Variants in ARHGAP8 observed in about 807,000 individuals in gnomAD.
ARHGAP8 encodes Rho GTPase activating protein 8, also known as rho GTPase-activating protein 8.
In ARHGAP8, 62 loss-of-function variants were observed where a neutral mutation model predicts 46.1. That is an observed-to-expected ratio of 1.34 (90% CI 1.10 to 1.66). The LOEUF is 1.66. Among genes scored for constraint, ARHGAP8 ranks in the 40% most tolerant of loss-of-function variants. The pLI is 0.00. For missense variants in ARHGAP8, 923 were observed against 568.4 expected, an observed-to-expected ratio of 1.62 and a Z score of -6.34; for synonymous variants, 375 against 243.1, an observed-to-expected ratio of 1.54 and a Z score of -5.05.
intron 7 of ARHGAP8, among the ~76,000 whole-genome samples, chr22:44,831,176 A>G (rs1930919421): frequency 6.6e-6 from 1 of 152,098 alleles, no homozygotes; most frequent in African/African-American, 2.4e-5. Context: ...GATGAAGTCC[A>G]ATTTATTTAT....
At chr22:44,827,141 AGAG>A (rs1240614682) in intron 7 of ARHGAP8, among the ~76,000 whole-genome samples, 9 of 151,996 alleles carry the variant, frequency 5.9e-5, no homozygotes, top group Non-Finnish European at 8.8e-5. Context: ...TCAGAGTCAG[AGAG>A]GAGATGTGGC....
intron 3 of ARHGAP8, among the ~76,000 whole-genome samples, chr22:44,805,108 G>A (rs1213818598): frequency 6.6e-6 from 1 of 152,172 alleles, no homozygotes; most frequent in Non-Finnish European, 1.5e-5. Context: ...GGAAGAGCTC[G>A]TCTCCTGGGG....
At chr22:44,841,669 G>T (rs1931660762) in intron 7 of ARHGAP8, among the ~76,000 whole-genome samples, 1 of 152,244 alleles carries the variant, frequency 6.6e-6, no homozygotes, top group Admixed American at 6.5e-5. Context: ...GCCAGCAGGG[G>T]CTCGGCCCAC....
At chr22:44,754,373 T>TGTGTGTGTGTGTGAGA in intron 1 of ARHGAP8, among the ~76,000 whole-genome samples, 1 of 147,480 alleles carries the variant, frequency 6.8e-6, no homozygotes, top group South Asian at 2.3e-4. Flanking sequence ...TGTGTGTGTG[T>TGTGTGTGTGTGTGAGA]GACGCAGTTT....
At chr22:44,849,273 G>A in intron 10 of ARHGAP8, 1 of 870,290 alleles carries the variant, frequency 1.1e-6, no homozygotes, top group South Asian at 1.8e-5. Flanking sequence ...GAGGAGGTGG[G>A]GTCGGTCAGG....
At chr22:44,771,820 G>T (rs1426628149) in intron 1 of ARHGAP8, among the ~76,000 whole-genome samples, 1 of 152,180 alleles carries the variant, frequency 6.6e-6, no homozygotes, top group Non-Finnish European at 1.5e-5. Context: ...CTCCCAAAGT[G>T]CTGGGATTAC....
chr22:44,815,855 T>C (rs1201411638), intron 5 of ARHGAP8, among the ~76,000 whole-genome samples: 1 of 150,666 alleles, frequency 6.6e-6, no homozygotes, highest in Non-Finnish European at 1.5e-5. Context: ...ATGACGGGGG[T>C]GGGGTGGGGA....
intron 2 of ARHGAP8, among the ~76,000 whole-genome samples, chr22:44,799,499 C>T (rs567018391): frequency 6.6e-6 from 1 of 152,172 alleles, no homozygotes; most frequent in Non-Finnish European, 1.5e-5. Context: ...GGAGGATGCC[C>T]TTGAAGAACT....
At chr22:44,832,898 G>T (rs530689437) in intron 7 of ARHGAP8, among the ~76,000 whole-genome samples, 1 of 152,130 alleles carries the variant, frequency 6.6e-6, no homozygotes, top group East Asian at 1.9e-4. Flanking sequence ...AGATTGAGGT[G>T]GGAGGATCAC....
intron 1 of ARHGAP8, among the ~76,000 whole-genome samples, chr22:44,757,805 ATTTTTTTT>A (rs132444): frequency 7.3e-6 from 1 of 137,012 alleles, no homozygotes. Context: ...TGCCTGGCTA[ATTTTTTTT>A]TTTTTTTTTT....
At chr22:44,764,479 G>A (rs116782659) in intron 1 of ARHGAP8, among the ~76,000 whole-genome samples, 176 of 152,328 alleles carry the variant, frequency 1.2e-3, no homozygotes, top group African/African-American at 3.9e-3. Flanking sequence ...CGCGTGCGAC[G>A]GTGGTTCTTC....
chr22:44,853,642 G>T (rs1268337155), intron 10 of ARHGAP8, among the ~76,000 whole-genome samples: 1 of 152,162 alleles, frequency 6.6e-6, no homozygotes, highest in African/African-American at 2.4e-5. Flanking sequence ...ACCTATGTCG[G>T]CTCTTTTTAA....
intron 11 of ARHGAP8, among the ~76,000 whole-genome samples, chr22:44,860,481 C>CG (rs1569188117): frequency 3.3e-5 from 5 of 152,060 alleles, no homozygotes; most frequent in African/African-American, 1.2e-4. Context: ...TAAGTGTGGA[C>CG]CCCCTGCCAT....
chr22:44,836,272 C>A (rs976344465), intron 7 of ARHGAP8, among the ~76,000 whole-genome samples: 6 of 151,410 alleles, frequency 4.0e-5, no homozygotes, highest in Admixed American at 1.3e-4. Context: ...CACTATGTTG[C>A]TCAGGTTGGT....
intron 10 of ARHGAP8, among the ~76,000 whole-genome samples, chr22:44,852,296 G>A (rs528599374): frequency 1.3e-5 from 2 of 151,710 alleles, no homozygotes; most frequent in Non-Finnish European, 2.9e-5. Flanking sequence ...GGTGAAGAGT[G>A]GAAAGTCATG....
At chr22:44,789,446 C>G (rs190615433) in intron 2 of ARHGAP8, among the ~76,000 whole-genome samples, 1 of 151,484 alleles carries the variant, frequency 6.6e-6, no homozygotes, top group South Asian at 2.1e-4. Flanking sequence ...CCACTGCGCC[C>G]GGCCGATGCT....
rs771250295 is a variant in ARHGAP8, at chr22:44,862,556, A to G, written c.1263A>G (p.Leu421=). The part of the protein sequence containing the change: ...TQATGLTKPT[L]PPSPLMAARR... ...CCACGGGCCTCACCAAGCCTACCCT[A>G]CCTCCGAGTCCCCTGATGGCAGCCA... Residue 421 remains leucine, a synonymous_variant, in exon 12 of 12, where the codon CTA becomes CTG. Transcript: ENST00000356099. 1 of 1,597,770 alleles carries G rather than the reference A, an allele frequency of 6.3e-7. No homozygotes were observed. The highest frequency in any genetic ancestry group is 8.6e-7 in the Non-Finnish European group (1 of 1,167,770).
Position 44,849,037 on chromosome 22 carries a change from A to C in ARHGAP8, c.854A>C (p.Tyr285Ser). 1 of 1,613,982 alleles carries C rather than the reference A, an allele frequency of 6.2e-7. No homozygotes were observed. Among genetic ancestry groups the C allele is most frequent in the Non-Finnish European group, 8.5e-7 (1 of 1,179,938 alleles). The change falls in exon 10 of 12, where the codon TAC (tyrosine) becomes TCC (serine). Residue 285 changes from tyrosine (Y) to serine (S), a missense_variant. Physicochemically the swap from Tyr to Ser is moderately radical, Grantham distance 144. Transcript: ENST00000356099. ...CAGCCGCTTCTGACCTTCCAGGCCT[A>C]CGAGCAGATTCTCGGGATCACCTGT... ...LPQPLLTFQA[Y>S]EQILGITCVE...
chr22:44,804,687 CA>C (rs997477163), intron 3 of ARHGAP8, among the ~76,000 whole-genome samples: 2 of 152,110 alleles, frequency 1.3e-5, no homozygotes, highest in African/African-American at 4.8e-5. Context: ...CCAAGGGACT[CA>C]GGGAGTGGGC....
Sources: allele counts gnomAD v4.1 joint callset (sites outside exome capture counted in the v4.1 genomes callset), GRCh38; gene constraint gnomAD v4.1.1; transcripts MANE v1.5; gene names NCBI Gene and HGNC (gene_info 2026-07-23, HGNC 2026-07-21).